CHD7: variants seen among roughly 807,000 people sequenced by gnomAD.
The protein encoded by CHD7 is chromodomain helicase DNA binding protein 7.
Under a neutral mutation model 307.3 loss-of-function variants are expected in CHD7, and 24 were observed. The observed-to-expected ratio is 0.08, with a 90% CI of 0.06 to 0.11. The LOEUF (loss-of-function observed/expected upper bound fraction) is 0.11, where lower values mean the gene tolerates loss of function less well. Among genes scored for constraint, CHD7 ranks in the 10% least tolerant of loss-of-function variants. CHD7 has a pLI of 1.00. For missense variants in CHD7, 3,106 were observed against 3,727.1 expected, an observed-to-expected ratio of 0.83 and a Z score of 4.34; for synonymous variants, 1,363 against 1,349.9, an observed-to-expected ratio of 1.01 and a Z score of -0.21.
intron 6 of CHD7, among the ~76,000 whole-genome samples, chr8:60,805,273 C>G (rs1812486600): frequency 6.6e-6 from 1 of 152,114 alleles, no homozygotes; most frequent in Non-Finnish European, 1.5e-5. Context: ...GAAAAGAGGT[C>G]AGCATGATCA....
rs201514840 is a variant in CHD7 at position 60,856,761 on chromosome 8, C to T, written c.7481C>T (p.Thr2494Ile). Reference protein sequence around the residue: ...LLQAGLSRTPTRHLLNGSLVD... With the variant: ...LLQAGLSRTPIRHLLNGSLVD... ...CAAGCAGGCCTTTCGCGCACACCCACAAGGCATCTCCTTAATGGCTCCCTA... is the reference window on the plus strand; with the variant it reads ...CAAGCAGGCCTTTCGCGCACACCCATAAGGCATCTCCTTAATGGCTCCCTA... Residue 2494 changes from threonine to isoleucine, a missense_variant, in exon 34 of 38, where the codon ACA becomes ATA. Coordinates refer to ENST00000423902, the MANE Select transcript of CHD7 (RefSeq NM_017780.4). The T allele has an allele frequency of 4.3e-5, 69 of 1,613,894 alleles. No individual in the cohort carries two copies. The highest frequency in any genetic ancestry group is 1.2e-4 in the Admixed American group (7 of 60,008).
chr8:60,764,232 G>C (rs766798093), intron 2 of CHD7, among the ~76,000 whole-genome samples: 3 of 151,974 alleles, frequency 2.0e-5, no homozygotes, highest in Admixed American at 1.3e-4. Flanking sequence ...CTCGTGATCC[G>C]CCCGCCTCGG....
chr8:60,846,404 A>G (rs1239148403), intron 23 of CHD7, among the ~76,000 whole-genome samples: 1 of 152,170 alleles, frequency 6.6e-6, no homozygotes, highest in Non-Finnish European at 1.5e-5. Context: ...AACTAAATTT[A>G]TTTCATTGCT....
At chr8:60,688,552 A>G (rs1355200456) in intron 1 of CHD7, among the ~76,000 whole-genome samples, 1 of 152,218 alleles carries the variant, frequency 6.6e-6, no homozygotes, top group Non-Finnish European at 1.5e-5. Context: ...TCCTTTGTCC[A>G]TCAGTGCAAC....
At position 60,854,368 on chromosome 8, in the gene CHD7, G is replaced by T; in HGVS notation, c.6781G>T (p.Ala2261Ser). 2 of 1,613,364 alleles carry T rather than the reference G, an allele frequency of 1.2e-6. No homozygotes were observed. The highest frequency in any genetic ancestry group is 1.7e-6 in the Non-Finnish European group (2 of 1,179,532). ...SEESSQPEAG[A>S]VSRGKNFDEE... ...CACATTAACTCATTTCTCAGCAGGA[G>T]CTGTCTCTAGAGGGAAGAATTTTGA... Residue 2261 changes from alanine to serine, a missense_variant, in exon 32 of 38, where the codon GCT (alanine) becomes TCT (serine). This residue lies in a region of CHD7 where 1,030 missense variants were observed against 1,165.4 expected (regional missense o/e 0.88). Transcript: ENST00000423902.
chr8:60,853,057 G>A lies in CHD7; in HGVS notation c.6332G>A (p.Arg2111Gln), dbSNP rs1407743636. The A allele has an allele frequency of 3.1e-6, 5 of 1,613,866 alleles. No homozygotes were observed. The highest frequency in any genetic ancestry group is 3.4e-6 in the Non-Finnish European group (4 of 1,179,860). Residue 2111 changes from arginine to glutamine, a missense_variant, in exon 31 of 38, where the codon CGG (arginine) becomes CAG (glutamine). Transcript: ENST00000423902. ...GGTGCTGCTAAACACGGGGTCAGTC[G>A]GACGGATTATCACATCCTCAATGAC... ...LVGAAKHGVSRTDYHILNDPE... is the reference protein window; with the variant it reads ...LVGAAKHGVSQTDYHILNDPE...
chr8:60,695,018 G>GGGGAAAAT, intron 1 of CHD7, among the ~76,000 whole-genome samples: 1 of 152,210 alleles, frequency 6.6e-6, no homozygotes, highest in Non-Finnish European at 1.5e-5. Context: ...TTGGCTAGGC[G>GGGGAAAAT]GGGAAAATGG....
chr8:60,714,447 C>G (rs906659992), intron 1 of CHD7, among the ~76,000 whole-genome samples: 11 of 139,710 alleles, frequency 7.9e-5, no homozygotes, highest in Non-Finnish European at 1.6e-4. Context: ...ACCGCCAGGC[C>G]TCTGGACGCT....
chr8:60,702,736 A>G (rs1417736266), intron 1 of CHD7, among the ~76,000 whole-genome samples: 1 of 152,244 alleles, frequency 6.6e-6, no homozygotes, highest in Non-Finnish European at 1.5e-5. Context: ...CTGTGTAACA[A>G]ACTACACTGA....
rs777518407 is a variant in CHD7 at position 60,801,520 on chromosome 8, T to G, written c.2377-8T>G. 6.4e-7 allele frequency: 1 copy of G among 1,563,544 alleles called. No homozygotes were observed. The highest frequency in any genetic ancestry group is 1.4e-5 in the African/African-American group (1 of 73,832). The stretch of plus-strand genomic sequence containing the variant: ...TATTTGGATTGATGCACATGCCTTT[T>G]TTTTTAGGAATCTGTTGATGCAGAA... On this transcript the variant is annotated splice_polypyrimidine_tract_variant and splice_region_variant and intron_variant, in intron 5 of 37. Transcript: ENST00000423902.
Position 60,823,904 on chromosome 8 carries a change from C to G in CHD7, c.3266C>G (p.Thr1089Ser). The change falls in exon 13 of 38, where the codon ACT (threonine) becomes AGT (serine). Residue 1089 changes from threonine (T) to serine (S), a missense_variant. Transcript: ENST00000423902. The stretch of plus-strand genomic sequence containing the variant: ...ATCACTACATTTGAGATGATTTTGA[C>G]TGATTGTCCTGAGCTGCGGAATATT... ...AIITTFEMILTDCPELRNIPW... is the reference protein window; with the variant it reads ...AIITTFEMILSDCPELRNIPW... 3 of 1,613,862 alleles carry G rather than the reference C, an allele frequency of 1.9e-6. No homozygotes were observed. The highest frequency in any genetic ancestry group is 2.5e-6 in the Non-Finnish European group (3 of 1,179,808).
At chr8:60,808,648 G>C (rs1221965276) in intron 7 of CHD7, 1 of 185,584 alleles carries the variant, frequency 5.4e-6, no homozygotes, top group Non-Finnish European at 1.1e-5. Context: ...CTAGAGACAA[G>C]AACTCTCCTG....
At chr8:60,680,078 C>T (rs1182310988) in intron 1 of CHD7, among the ~76,000 whole-genome samples, 1 of 151,180 alleles carries the variant, frequency 6.6e-6, no homozygotes, top group African/African-American at 2.4e-5. Context: ...GCGACTTTAA[C>T]CTTCCAACGC....
At position 60,824,052 on chromosome 8, in the gene CHD7, A is replaced by G. The variant is rs761261234; in HGVS notation, c.3378+36A>G. 17 of 1,579,444 alleles carry G rather than the reference A, an allele frequency of 1.1e-5. No individual in the cohort carries two copies. In the South Asian group the frequency reaches 1.7e-4, roughly 16 times the overall value. ...ATATTGGTGATTGCACTGAACCTGA[A>G]TAGAATTGTTGCTGACTTGATAGTC... On this transcript the variant is annotated intron_variant, in intron 13 of 37. Coordinates refer to ENST00000423902, the MANE Select transcript of CHD7 (RefSeq NM_017780.4).
Position 60,862,227 on chromosome 8 carries a change from A to G in CHD7, c.7862A>G (p.Gln2621Arg), listed in dbSNP as rs752602502. Residue 2621 changes from glutamine (Q) to arginine (R), a missense_variant, in exon 36 of 38, where the codon CAG becomes CGG. Coordinates refer to ENST00000423902, the MANE Select transcript of CHD7 (RefSeq NM_017780.4). Reference sequence around the variant, plus strand: ...GCAGATGTGCTGTTTTCCTCATTTCAGAAACCGAAACAGAAACGACATAGA... The same window carrying G: ...GCAGATGTGCTGTTTTCCTCATTTCGGAAACCGAAACAGAAACGACATAGA... Reference protein sequence around the residue: ...KNADVLFSSFQKPKQKRHRCR... With the variant: ...KNADVLFSSFRKPKQKRHRCR... The G allele has an allele frequency of 6.2e-7, 1 of 1,611,326 alleles. No individual in the cohort carries two copies. The highest frequency in any genetic ancestry group is 8.5e-7 in the Non-Finnish European group (1 of 1,178,494).
chr8:60,724,894 G>C (rs987940469), intron 1 of CHD7, among the ~76,000 whole-genome samples: 1 of 152,220 alleles, frequency 6.6e-6, no homozygotes, highest in Non-Finnish European at 1.5e-5. Flanking sequence ...AGGGCTATTA[G>C]ATATATGAAA....
At chr8:60,801,255 G>A (rs558530690) in intron 5 of CHD7, among the ~76,000 whole-genome samples, 1 of 152,256 alleles carries the variant, frequency 6.6e-6, no homozygotes, top group South Asian at 2.1e-4. Context: ...TGTCTTGGTG[G>A]CTAGAATTTC....
chr8:60,800,129 C>T (rs530224769), intron 4 of CHD7, among the ~76,000 whole-genome samples: 7 of 151,920 alleles, frequency 4.6e-5, no homozygotes, highest in African/African-American at 1.4e-4. Flanking sequence ...CTCGTGGGTT[C>T]GCGCCATTCT....
intron 1 of CHD7, among the ~76,000 whole-genome samples, chr8:60,727,101 CTAT>C (rs1035202702): frequency 3.3e-5 from 5 of 152,034 alleles, no homozygotes; most frequent in African/African-American, 1.2e-4. Flanking sequence ...GAAATAAATA[CTAT>C]TATTATCCCC....
Sources: gnomAD v4.1 joint callset for allele counts (sites outside exome capture counted in the v4.1 genomes callset) on GRCh38, gnomAD v4.1.1 for gene constraint, gnomAD v4.1.1 regional missense constraint, MANE v1.5 for transcripts, NCBI Gene and HGNC (gene_info 2026-07-23, HGNC 2026-07-21) for gene names.